The following GPRIN2 variants were observed in gnomAD, a reference collection of about 807,000 sequenced individuals.
GPRIN2 encodes G protein-regulated inducer of neurite outgrowth 2.
In GPRIN2, 1 loss-of-function variant was observed where a neutral mutation model predicts 0.3. The ratio of observed to expected loss-of-function variants is 3.90; its 90% confidence interval spans 1.39 to 18.51. The LOEUF (loss-of-function observed/expected upper bound fraction) is 18.51, where lower values mean the gene tolerates loss of function less well. Ranked by LOEUF, GPRIN2 falls within the 30% of genes most tolerant of loss-of-function variation. GPRIN2 has a pLI of 0.11. For missense variants in GPRIN2, 880 were observed against 604.2 expected (o/e 1.46, Z -4.79); for synonymous variants, 361 against 258.6 (o/e 1.40, Z -3.80).
At chr10:46,551,855 C>G (rs1269313375) in intron 2 of GPRIN2, among the ~76,000 whole-genome samples, 1 of 152,312 alleles carries the variant, frequency 6.6e-6, no homozygotes, top group Non-Finnish European at 1.5e-5. Flanking sequence ...GAGCATTGGG[C>G]CTGCATGGAA....
chr10:46,551,800 G>A (rs982155239), intron 2 of GPRIN2, among the ~76,000 whole-genome samples: 1 of 152,312 alleles, frequency 6.6e-6, no homozygotes, highest in Admixed American at 6.5e-5. Flanking sequence ...CTCTTCCTGG[G>A]GCCCCTTTCC....
intron 2 of GPRIN2, chr10:46,551,462 A>G (rs1842601580): frequency 1.0e-6 from 1 of 985,414 alleles, no homozygotes; most frequent in African/African-American, 1.7e-5. Flanking sequence ...AGCTTTTTCC[A>G]TGAGGGACTC....
rs1832638145 is a variant in GPRIN2, at chr10:46,549,662, C to T, written c.1075G>A (p.Ala359Thr). 1 of 1,614,168 alleles carries T rather than the reference C, an allele frequency of 6.2e-7. No individual in the cohort carries two copies. The highest frequency in any genetic ancestry group is 8.5e-7 in the Non-Finnish European group (1 of 1,179,950). Residue 359 changes from alanine to threonine, a missense_variant, in exon 3 of 3, where the codon GCC (alanine) becomes ACC (threonine). Physicochemically the swap from Ala to Thr is moderately conservative, Grantham distance 58 (BLOSUM62 0). Transcript: ENST00000374314. ...ATSPSLEAPA[A>T]LHVFPEVTLG... ...GTTACCTCTGGGAACACATGCAGGG[C>T]TGCAGGCGCTTCCAGGGACGGACTG...
At chr10:46,553,230 T>G (rs1235544569) in intron 2 of GPRIN2, among the ~76,000 whole-genome samples, 1 of 152,312 alleles carries the variant, frequency 6.6e-6, no homozygotes, top group Non-Finnish European at 1.5e-5. Flanking sequence ...CTCTCACCCT[T>G]TTTACTGATC....
At chr10:46,556,407 G>C (rs565249159) in intron 1 of GPRIN2, among the ~76,000 whole-genome samples, 91 bp downstream of exon 1, 1 of 152,290 alleles carries the variant, frequency 6.6e-6, no homozygotes, top group Non-Finnish European at 1.5e-5. Flanking sequence ...CGCAGGCAGC[G>C]GGAAGGAGTG....
At chr10:46,556,768 G>A (rs1324538923), upstream of GPRIN2, among the ~76,000 whole-genome samples, 1 of 152,186 alleles carries the variant, frequency 6.6e-6, no homozygotes, top group Non-Finnish European at 1.5e-5. Context: ...GCCCCGCCGC[G>A]GCCCGGGATC....
intron 2 of GPRIN2, among the ~76,000 whole-genome samples, chr10:46,552,359 A>G (rs1371275240): frequency 6.6e-6 from 1 of 152,310 alleles, no homozygotes; most frequent in Non-Finnish European, 1.5e-5. Flanking sequence ...CAGGGTGGGG[A>G]CAGGAGGCAG....
rs1831980222 is a variant in GPRIN2, at chr10:46,554,673, C to T, written c.-95G>A. The T allele has an allele frequency of 0.048, 7,164 of 147,984 alleles. No individual in the cohort carries two copies. The highest frequency in any genetic ancestry group is 0.057 in the Non-Finnish European group (3,753 of 65,754). The allele number at this position is 147,984 out of a possible 1,614,324, so 9.2% of individuals were successfully genotyped here. On this transcript the variant is annotated 5_prime_UTR_variant, in exon 2 of 3. Transcript: ENST00000374314. ...TGGCCAATGCCAGGCTGTCCTGCTG[C>T]CTCAGGTTCCACCTGTCAGCAACTG...
intron 2 of GPRIN2, among the ~76,000 whole-genome samples, 200 bp downstream of exon 2, chr10:46,554,384 AT>A (rs1260025384): frequency 2.0e-5 from 3 of 152,310 alleles, no homozygotes; most frequent in African/African-American, 7.2e-5. Context: ...CCTATTTTAA[AT>A]GTTAACCTAG....
chr10:46,542,814 C>A lies in GPRIN2; in HGVS notation c.*6546G>T, dbSNP rs1841859921. ...AGTGCAGTGTGTCCCCACAGGGGCT[C>A]AGGCCACACCCCAACCCAATTACAA... On this transcript the variant is annotated 3_prime_UTR_variant, in exon 3 of 3. Transcript: ENST00000374314. Among the ~76,000 whole-genome samples, 1 of 152,310 alleles carries A rather than the reference C, an allele frequency of 6.6e-6. No homozygotes were observed. Among genetic ancestry groups the A allele is most frequent in the Admixed American group, 6.5e-5 (1 of 15,294 alleles).
rs1842466208 is a variant in GPRIN2 at position 46,549,904 on chromosome 10, A to C, written c.833T>G (p.Ile278Ser). ...SGLQAQHGVK[I>S]HCRLSGGLPG... ...GAGCCCCCCAGACAACCTACAGTGG[A>C]TCTTCACCCCATGCTGAGCCTGCAG... The change falls in exon 3 of 3, where the codon ATC becomes AGC. Residue 278 changes from isoleucine to serine, a missense_variant. By Grantham distance (142) the Ile-to-Ser change is moderately radical (BLOSUM62 -2). Transcript: ENST00000374314. 1 of 1,614,280 alleles carries C rather than the reference A, an allele frequency of 6.2e-7. No individual in the cohort carries two copies. Among genetic ancestry groups the C allele is most frequent in the Non-Finnish European group, 8.5e-7 (1 of 1,180,060 alleles).
chr10:46,557,595 C>T (rs1401092584), upstream of GPRIN2, among the ~76,000 whole-genome samples: 1 of 152,310 alleles, frequency 6.6e-6, no homozygotes, highest in African/African-American at 2.4e-5. Context: ...CGCAGCACCA[C>T]AGCGCCTTCC....
At chr10:46,550,894 G>C (rs1842520765) in intron 2 of GPRIN2, 152 bp from the exon 3 acceptor site, 1 of 537,604 alleles carries the variant, frequency 1.9e-6, no homozygotes, top group African/African-American at 2.0e-5. Flanking sequence ...AAGGCAGTGA[G>C]TGACAAGACA....
chr10:46,546,389 G>A lies in GPRIN2; in HGVS notation c.*2971C>T, dbSNP rs1192168945. On this transcript the variant is annotated 3_prime_UTR_variant, in exon 3 of 3. Transcript: ENST00000374314. The stretch of plus-strand genomic sequence containing the variant: ...GAGGCAAGGGGCTCTAGGACTCCAG[G>A]GTTTATGCTCCAAAGAACAGAATTT... 6.6e-6 allele frequency among the ~76,000 whole-genome samples: 1 copy of A among 152,308 alleles called. No individual in the cohort carries two copies. Among genetic ancestry groups the A allele is most frequent in the Non-Finnish European group, 1.5e-5 (1 of 68,058 alleles).
At chr10:46,552,701 G>C (rs1470409509) in intron 2 of GPRIN2, among the ~76,000 whole-genome samples, 3 of 152,306 alleles carry the variant, frequency 2.0e-5, no homozygotes, top group Non-Finnish European at 2.9e-5. Context: ...CTCAGCAGGG[G>C]GCTACTGCAA....
Position 46,549,241 on chromosome 10 carries a change from T to G in GPRIN2, c.*119A>C. The G allele has an allele frequency of 2.3e-6, 3 of 1,306,992 alleles. No individual in the cohort carries two copies. The highest frequency in any genetic ancestry group is 3.0e-6 in the Non-Finnish European group (3 of 990,328). 81.0% of individuals were successfully genotyped at this position (1,306,992 alleles called of 1,614,324 possible). On this transcript the variant is annotated 3_prime_UTR_variant, in exon 3 of 3. Coordinates refer to ENST00000374314, the MANE Select transcript of GPRIN2 (RefSeq NM_001385282.1). ...CCTGTGGTCTGGAGGCAGCCAATAT[T>G]CAGGTGAGAGATGTGCCCAGCTGCC...
At position 46,548,661 on chromosome 10, in the gene GPRIN2, C is replaced by G. The variant is rs1231357690; in HGVS notation, c.*699G>C. On this transcript the variant is annotated 3_prime_UTR_variant, in exon 3 of 3. Coordinates refer to ENST00000374314, the MANE Select transcript of GPRIN2 (RefSeq NM_001385282.1). ...TCATTCACCACAGAATCCACAGAACCCAGCACAGAGTATGAGCTCAGTAAA... is the reference window on the plus strand; with the variant it reads ...TCATTCACCACAGAATCCACAGAACGCAGCACAGAGTATGAGCTCAGTAAA... 1.3e-5 allele frequency among the ~76,000 whole-genome samples: 2 copies of G among 152,306 alleles called. No homozygotes were observed. The highest frequency in any genetic ancestry group is 2.9e-5 in the Non-Finnish European group (2 of 68,058).
rs1355779130 is a variant in GPRIN2, at chr10:46,546,921, C to T, written c.*2439G>A. Among the ~76,000 whole-genome samples, 1 of 152,310 alleles carries T rather than the reference C, an allele frequency of 6.6e-6. No homozygotes were observed. Among genetic ancestry groups the T allele is most frequent in the South Asian group, 2.1e-4 (1 of 4,838 alleles). ...TGAGGTGAGTGGGAGCTTGGCTGAGCCCAGCCCGGCCTGCCATCCTGGCAA... is the reference window on the plus strand; with the variant it reads ...TGAGGTGAGTGGGAGCTTGGCTGAGTCCAGCCCGGCCTGCCATCCTGGCAA... On this transcript the variant is annotated 3_prime_UTR_variant, in exon 3 of 3. Coordinates refer to ENST00000374314, the MANE Select transcript of GPRIN2 (RefSeq NM_001385282.1).
rs1833033306 is a variant in GPRIN2, at chr10:46,543,426, G to A, written c.*5934C>T. On this transcript the variant is annotated 3_prime_UTR_variant, in exon 3 of 3. Coordinates refer to ENST00000374314, the MANE Select transcript of GPRIN2 (RefSeq NM_001385282.1). ...AAGAACAGATTAAAGAGAAATGGGGGATGGGGATGACAGAGCACCCAGGGC... is the reference window on the plus strand; with the variant it reads ...AAGAACAGATTAAAGAGAAATGGGGAATGGGGATGACAGAGCACCCAGGGC... Among the ~76,000 whole-genome samples, 1 of 152,428 alleles carries A rather than the reference G, an allele frequency of 6.6e-6. No homozygotes were observed. The highest frequency in any genetic ancestry group is 1.9e-4 in the East Asian group (1 of 5,196).
Sources: allele counts gnomAD v4.1 joint callset (sites outside exome capture counted in the v4.1 genomes callset), GRCh38; gene constraint gnomAD v4.1.1; transcripts MANE v1.5; gene names NCBI Gene and HGNC (gene_info 2026-07-23, HGNC 2026-07-21).